The following SYNPR variants were observed in gnomAD, a reference collection of about 807,000 sequenced individuals.
The protein encoded by SYNPR is synaptoporin.
SYNPR carries 23 observed loss-of-function variants against 32.9 expected under a neutral mutation model. The ratio of observed to expected loss-of-function variants is 0.70; its 90% confidence interval spans 0.50 to 0.99. The LOEUF is 0.99. SYNPR is among the 50% of genes least tolerant of loss of function. The pLI, the probability that SYNPR is intolerant of heterozygous loss-of-function variation, is 0.00. For synonymous variants in SYNPR, 146 were observed against 135.9 expected (o/e 1.07, Z -0.52); for missense variants, 318 against 349.3 (o/e 0.91, Z 0.71).
intron 2 of SYNPR, among the ~76,000 whole-genome samples, chr3:63,469,161 C>T (rs1455007422): frequency 6.6e-6 from 1 of 152,110 alleles, no homozygotes; most frequent in Non-Finnish European, 1.5e-5. Context: ...TCAGAGAACG[C>T]TGCACATGGC....
At chr3:63,545,655 C>G (rs1307889467) in intron 3 of SYNPR, 1 of 151,900 alleles carries the variant, frequency 6.6e-6, no homozygotes, top group Non-Finnish European at 1.5e-5. Flanking sequence ...ATGTACAGGT[C>G]ATATTATTAG....
chr3:63,456,511 T>C (rs560196612), intron 2 of SYNPR, among the ~76,000 whole-genome samples: 1 of 152,202 alleles, frequency 6.6e-6, no homozygotes, highest in South Asian at 2.1e-4. Flanking sequence ...TAGACTATGT[T>C]AAATAAATTT....
At chr3:63,531,523 C>G (rs1483830580) in intron 3 of SYNPR, among the ~76,000 whole-genome samples, 1 of 152,156 alleles carries the variant, frequency 6.6e-6, no homozygotes, top group Non-Finnish European at 1.5e-5. Context: ...CCACCCTACT[C>G]GAGTATAACC....
the SYNPR span, among the ~76,000 whole-genome samples, chr3:63,205,394 G>A: frequency 6.6e-6 from 1 of 152,184 alleles, no homozygotes; most frequent in South Asian, 2.1e-4. Flanking sequence ...CCATTTTCAT[G>A]TAACACCAAT....
At chr3:63,612,616 G>C (rs1700215820) in intron 5 of SYNPR, among the ~76,000 whole-genome samples, 4 of 152,060 alleles carry the variant, frequency 2.6e-5, no homozygotes, top group Admixed American at 2.6e-4. Flanking sequence ...AGAGTTCAAG[G>C]GCCCAAGTGA....
At position 63,591,045 on chromosome 3, in the gene SYNPR, G is replaced by A. The variant is rs372620466; in HGVS notation, c.409-18080G>A. The stretch of plus-strand genomic sequence containing the variant: ...ACCTACAACATGGGAGAAAATTTTC[G>A]CAACCTACTCATCTGACAAAGGGCT... On this transcript the variant is annotated intron_variant, in intron 4 of 5. Transcript: ENST00000478300. Among the ~76,000 whole-genome samples the A allele has an allele frequency of 5.1e-3, 751 of 147,790 alleles. 11 individuals are homozygous for A. The East Asian group carries it at 0.052, about 10-fold the overall frequency.
At chr3:63,476,143 AAGGAAGGGAGGGAGGGAGGG>A (rs1388419915) in intron 2 of SYNPR, among the ~76,000 whole-genome samples, 3 of 27,052 alleles carry the variant, frequency 1.1e-4, no homozygotes, top group African/African-American at 8.1e-4. Context: ...GGAAGGAAGG[AAGGAAGGGAGGGAGGGAGGG>A]AGGGAGGGAG....
chr3:63,277,358 T>A (rs954115915), upstream of SYNPR, among the ~76,000 whole-genome samples: 1 of 152,180 alleles, frequency 6.6e-6, no homozygotes, highest in African/African-American at 2.4e-5. Flanking sequence ...TTGTTGTTGT[T>A]TTTATTATAT....
At chr3:63,499,254 G>GT (rs1175422574) in intron 3 of SYNPR, among the ~76,000 whole-genome samples, 2 of 152,142 alleles carry the variant, frequency 1.3e-5, no homozygotes, top group African/African-American at 4.8e-5. Context: ...AAGGAATGAA[G>GT]TTTTGGGGTC....
chr3:63,427,484 C>G (rs1412374889), intron 2 of SYNPR: 3 of 152,170 alleles, frequency 2.0e-5, no homozygotes, highest in Non-Finnish European at 2.9e-5. Context: ...GATTTCTGTC[C>G]TTTGATGAGC....
intron 3 of SYNPR, among the ~76,000 whole-genome samples, chr3:63,497,447 T>C (rs971133849): frequency 1.2e-4 from 19 of 152,170 alleles, no homozygotes; most frequent in African/African-American, 4.6e-4. Flanking sequence ...CTTGCTAAAA[T>C]GAGAAGGGAC....
chr3:63,250,331 T>TAAATA (rs141339931), intron 1 of SYNPR, among the ~76,000 whole-genome samples: 352 of 151,854 alleles, frequency 2.3e-3, no homozygotes, highest in African/African-American at 7.7e-3. Flanking sequence ...ACAAGGAAAA[T>TAAATA]AAATAAAATA....
chr3:63,245,708 A>T lies in SYNPR; in HGVS notation n.67-6791A>T, dbSNP rs62251306. On this transcript the variant is annotated intron_variant and non_coding_transcript_variant, in intron 1 of 4. Coordinates refer to the SYNPR transcript ENST00000478456. Reference sequence around the variant, plus strand: ...GAGAGAGAGAGAGAGAGAGAGAGAGAGAGTGTGTGTGTGTGTGTGTGTGTG... The same window carrying T: ...GAGAGAGAGAGAGAGAGAGAGAGAGTGAGTGTGTGTGTGTGTGTGTGTGTG... Among the ~76,000 whole-genome samples the T allele has an allele frequency of 9.8e-3, 491 of 50,168 alleles. 4 individuals carry two copies. Among genetic ancestry groups the T allele is most frequent in the Non-Finnish European group, 0.015 (355 of 23,738 alleles). The allele number at this position is 50,168 out of a possible 152,430, so 32.9% of individuals were successfully genotyped here. A position where few individuals can be genotyped will look rare whatever the true frequency, so the allele number is the denominator to read the frequency against.
At chr3:63,310,364 G>A (rs1336264345) in intron 2 of SYNPR, among the ~76,000 whole-genome samples, 2 of 151,980 alleles carry the variant, frequency 1.3e-5, no homozygotes, top group African/African-American at 4.8e-5. Context: ...GGATATAACC[G>A]CCTTTAGGTT....
chr3:63,440,575 G>T (rs747147560), intron 2 of SYNPR, among the ~76,000 whole-genome samples: 1 of 152,118 alleles, frequency 6.6e-6, no homozygotes, highest in East Asian at 1.9e-4. Flanking sequence ...CTTAGAAAAT[G>T]TTAATGCTCT....
chr3:63,548,484 G>A (rs181226628), intron 3 of SYNPR, among the ~76,000 whole-genome samples: 1 of 152,060 alleles, frequency 6.6e-6, no homozygotes, highest in Admixed American at 6.6e-5. Flanking sequence ...AAGTAAGAGT[G>A]TATGTGTGCA....
intron 2 of SYNPR, among the ~76,000 whole-genome samples, chr3:63,294,769 T>C (rs1369787934): frequency 2.0e-5 from 3 of 152,208 alleles, no homozygotes; most frequent in African/African-American, 7.2e-5. Context: ...TTGCGTGTCT[T>C]ATTTATATTA....
At chr3:63,321,514 T>C (rs2087110953) in intron 2 of SYNPR, among the ~76,000 whole-genome samples, 1 of 152,092 alleles carries the variant, frequency 6.6e-6, no homozygotes. Flanking sequence ...GAGCAATTAA[T>C]TTTAAGCCCC....
chr3:63,257,677 C>T (rs1203910970), intron 2 of SYNPR, among the ~76,000 whole-genome samples: 1 of 152,118 alleles, frequency 6.6e-6, no homozygotes, highest in African/African-American at 2.4e-5. Context: ...GCAAAATAAC[C>T]AGCTAACATC....
Sources: gnomAD v4.1 joint callset for allele counts (sites outside exome capture counted in the v4.1 genomes callset) on GRCh38, gnomAD v4.1.1 for gene constraint, MANE v1.5 for transcripts, NCBI Gene and HGNC (gene_info 2026-07-23, HGNC 2026-07-21) for gene names.